HCN1: variants seen among roughly 807,000 people sequenced by gnomAD.
HCN1 encodes hyperpolarization activated cyclic nucleotide gated potassium channel 1.
Under a neutral mutation model 78.9 loss-of-function variants are expected in HCN1, and 13 were observed. The ratio of observed to expected loss-of-function variants is 0.16; its 90% CI spans 0.11 to 0.26. The LOEUF is 0.26. Ranked by LOEUF, HCN1 falls within the 10% of genes least tolerant of loss-of-function variation. HCN1 has a pLI of 1.00. For missense variants in HCN1, 810 were observed against 1,154.3 expected, an observed-to-expected ratio of 0.70 and a Z score of 4.32; for synonymous variants, 552 against 455.5, an observed-to-expected ratio of 1.21 and a Z score of -2.70.
rs151069817 is a variant in HCN1 at position 45,305,601 on chromosome 5, A to C, written c.1378-1762T>G. On this transcript the variant is annotated intron_variant, in intron 5 of 7. Coordinates refer to ENST00000303230, the MANE Select transcript of HCN1 (RefSeq NM_021072.4). ...GATGCATGGAGTGTGGGTCTATAAC[A>C]ATGTTCAGCAAGTAGTAAGTACTGA... Among the ~76,000 whole-genome samples, 24 of 152,116 alleles carry C rather than the reference A, an allele frequency of 1.6e-4. No individual in the cohort carries two copies. The East Asian group carries it at 4.3e-3, about 27-fold the overall frequency.
rs758609806 is a variant in HCN1 at position 45,262,233 on chromosome 5, G to A, written c.2361C>T (p.Ser787=). The change falls in exon 8 of 8, where the codon TCC becomes TCT. Residue 787 remains serine (S), a synonymous_variant. Coordinates refer to ENST00000303230, the MANE Select transcript of HCN1 (RefSeq NM_021072.4). ...CATGGGGCAGCGAGGGCTGCGAGGC[G>A]GAGAGTGGCCTGACTTCCCGGGTCA... ...TNLTREVRPL[S]ASQPSLPHEV... is the part of the protein sequence containing the mutation. 3.1e-6 allele frequency: 5 copies of A among 1,614,056 alleles called. No homozygotes were observed. Among genetic ancestry groups the A allele is most frequent in the Non-Finnish European group, 2.5e-6 (3 of 1,180,034 alleles).
intron 2 of HCN1, among the ~76,000 whole-genome samples, chr5:45,491,949 T>C (rs527513784): frequency 3.3e-5 from 5 of 152,110 alleles, no homozygotes; most frequent in African/African-American, 1.2e-4. Flanking sequence ...ATGTTAACAC[T>C]TATGAAATTT....
At chr5:45,540,724 A>G (rs538007118) in intron 2 of HCN1, among the ~76,000 whole-genome samples, 6 of 152,026 alleles carry the variant, frequency 3.9e-5, no homozygotes, top group African/African-American at 1.4e-4. Context: ...TATTGTTTGC[A>G]TTTTTCTAAT....
At chr5:45,648,486 G>T (rs1019483177) in intron 1 of HCN1, among the ~76,000 whole-genome samples, 1 of 151,902 alleles carries the variant, frequency 6.6e-6, no homozygotes, top group Admixed American at 6.6e-5. Context: ...AAAACCACAG[G>T]TGCTTTTATA....
intron 4 of HCN1, among the ~76,000 whole-genome samples, chr5:45,380,677 C>A (rs891442602): frequency 5.3e-5 from 8 of 152,006 alleles, no homozygotes; most frequent in African/African-American, 1.9e-4. Flanking sequence ...CCTAATAAGA[C>A]TCCTAATAAG....
At chr5:45,658,150 T>A (rs1352548567) in intron 1 of HCN1, among the ~76,000 whole-genome samples, 1 of 152,178 alleles carries the variant, frequency 6.6e-6, no homozygotes, top group Non-Finnish European at 1.5e-5. Context: ...GGATTCCTTA[T>A]TTAATAAATG....
Position 45,494,690 on chromosome 5 carries a change from A to G in HCN1, c.850-32683T>C, listed in dbSNP as rs1175422885. ...GTCCTTGCCCATGCCTATGTCCTGA[A>G]TGGTAATGCCTAGGTTTTCTTCTAG... On this transcript the variant is annotated intron_variant, in intron 2 of 7. Transcript: ENST00000303230. Among the ~76,000 whole-genome samples, 12 of 152,052 alleles carry G rather than the reference A, an allele frequency of 7.9e-5. No individual in the cohort carries two copies. In the South Asian group the frequency reaches 2.3e-3, roughly 29 times the overall value.
At chr5:45,517,854 A>G (rs1742542459) in intron 2 of HCN1, among the ~76,000 whole-genome samples, 1 of 152,068 alleles carries the variant, frequency 6.6e-6, no homozygotes, top group Non-Finnish European at 1.5e-5. Flanking sequence ...TCCCCATACC[A>G]GCTTCTTATG....
At chr5:45,523,030 C>T (rs1481073098) in intron 2 of HCN1, among the ~76,000 whole-genome samples, 1 of 151,586 alleles carries the variant, frequency 6.6e-6, no homozygotes, top group Non-Finnish European at 1.5e-5. Flanking sequence ...CACAACAGTC[C>T]CCAGAGTGTG....
In HCN1 at chr5:45,333,837, C is replaced by T. The variant is rs540463376; in HGVS notation, c.1377+19263G>A. On this transcript the variant is annotated intron_variant, in intron 5 of 7. Coordinates refer to ENST00000303230, the MANE Select transcript of HCN1 (RefSeq NM_021072.4). ...TTGCACTAATTACATTCCCACCAAA[C>T]GTGTACAAGGGTTCCCTTTTCTCTA... Among the ~76,000 whole-genome samples the T allele has an allele frequency of 3.0e-4, 46 of 151,734 alleles. No homozygotes were observed. In the South Asian group the frequency reaches 9.3e-3, roughly 31 times the overall value.
chr5:45,438,718 T>G lies in HCN1; in HGVS notation c.1011+23128A>C, dbSNP rs192617663. Reference sequence around the variant, plus strand: ...ATATTAACTACTCAGAACTCCAGTTTCTTTATCATAAAATTGGAATCAGTT... The same window carrying G: ...ATATTAACTACTCAGAACTCCAGTTGCTTTATCATAAAATTGGAATCAGTT... On this transcript the variant is annotated intron_variant, in intron 3 of 7. Coordinates refer to ENST00000303230, the MANE Select transcript of HCN1 (RefSeq NM_021072.4). Among the ~76,000 whole-genome samples, 264 of 152,336 alleles carry G rather than the reference T, an allele frequency of 1.7e-3. 1 individual carries two copies. The highest frequency in any genetic ancestry group is 6.1e-3 in the African/African-American group (255 of 41,582).
intron 6 of HCN1, among the ~76,000 whole-genome samples, chr5:45,279,495 T>C (rs1030108467): frequency 6.6e-6 from 1 of 152,130 alleles, no homozygotes; most frequent in Non-Finnish European, 1.5e-5. Flanking sequence ...AAAAAGCAGA[T>C]TTTTCCTATA....
intron 6 of HCN1, among the ~76,000 whole-genome samples, chr5:45,299,734 A>G (rs954871731): frequency 6.6e-6 from 1 of 152,014 alleles, no homozygotes; most frequent in South Asian, 2.1e-4. Context: ...ATATTCAAAT[A>G]ACAGGTAATG....
intron 2 of HCN1, among the ~76,000 whole-genome samples, chr5:45,556,184 C>G (rs757328956): frequency 2.6e-5 from 4 of 151,848 alleles, no homozygotes; most frequent in Non-Finnish European, 5.9e-5. Context: ...TAAGCACAAG[C>G]AACCAGAGCA....
chr5:45,282,102 T>G (rs1042850126), intron 6 of HCN1, among the ~76,000 whole-genome samples: 3 of 152,164 alleles, frequency 2.0e-5, no homozygotes, highest in African/African-American at 7.2e-5. Flanking sequence ...CATTAATAAA[T>G]TTTGCAATAT....
chr5:45,318,968 G>T (rs1275937741), intron 5 of HCN1, among the ~76,000 whole-genome samples: 1 of 151,796 alleles, frequency 6.6e-6, no homozygotes, highest in Non-Finnish European at 1.5e-5. Flanking sequence ...TTTGTGTCTT[G>T]GTTCTTTTAC....
chr5:45,690,003 T>C (rs970286938), intron 1 of HCN1, among the ~76,000 whole-genome samples: 1 of 152,084 alleles, frequency 6.6e-6, no homozygotes, highest in Non-Finnish European at 1.5e-5. Flanking sequence ...GTATAGAATC[T>C]CTAGAATGTT....
At chr5:45,516,981 C>T (rs1470928349) in intron 2 of HCN1, among the ~76,000 whole-genome samples, 1 of 151,958 alleles carries the variant, frequency 6.6e-6, no homozygotes, top group East Asian at 1.9e-4. Flanking sequence ...AGTCTGCAGA[C>T]TCTAGACACA....
intron 5 of HCN1, among the ~76,000 whole-genome samples, chr5:45,352,220 T>C (rs1746920483): frequency 1.3e-5 from 2 of 152,142 alleles, no homozygotes; most frequent in Non-Finnish European, 2.9e-5. Flanking sequence ...TTCATGTCCT[T>C]TGTAGGGACA....
Sources: gnomAD v4.1 joint callset for allele counts (sites outside exome capture counted in the v4.1 genomes callset) on GRCh38, gnomAD v4.1.1 for gene constraint, MANE v1.5 for transcripts, NCBI Gene and HGNC (gene_info 2026-07-23, HGNC 2026-07-21) for gene names.